The following LRRIQ3 variants were observed in gnomAD, a reference collection of about 807,000 sequenced individuals.
The protein encoded by LRRIQ3 is leucine-rich repeat and IQ domain-containing protein 3.
LRRIQ3 carries 75 observed loss-of-function variants against 59.3 expected under a neutral mutation model. The observed-to-expected ratio is 1.26, with a 90% CI of 1.05 to 1.53. The LOEUF (loss-of-function observed/expected upper bound fraction) is 1.53. Among genes scored for constraint, LRRIQ3 ranks in the 40% most tolerant of loss-of-function variants. LRRIQ3 has a pLI of 0.00. For synonymous variants in LRRIQ3, 250 were observed against 231.3 expected (o/e 1.08, Z -0.73); for missense variants, 831 against 710.0 (o/e 1.17, Z -1.94).
At chr1:74,066,979 A>G (rs1654883801) in intron 6 of LRRIQ3, among the ~76,000 whole-genome samples, 1 of 152,184 alleles carries the variant, frequency 6.6e-6, no homozygotes, top group African/African-American at 2.4e-5. Context: ...CCAGTAATAA[A>G]TTATGTCACC....
intron 5 of LRRIQ3, among the ~76,000 whole-genome samples, chr1:74,090,751 G>A (rs898139792): frequency 6.6e-6 from 1 of 151,684 alleles, no homozygotes; most frequent in Non-Finnish European, 1.5e-5. Context: ...TAACTTAGCT[G>A]GGTGTGGGAG....
chr1:74,036,415 A>G (rs915213864), intron 7 of LRRIQ3, among the ~76,000 whole-genome samples: 1 of 152,188 alleles, frequency 6.6e-6, no homozygotes, highest in Non-Finnish European at 1.5e-5. Flanking sequence ...TACTTCTACA[A>G]AATTGTCTAT....
intron 6 of LRRIQ3, among the ~76,000 whole-genome samples, chr1:74,058,136 A>C (rs908621825): frequency 1.3e-4 from 20 of 152,282 alleles, no homozygotes; most frequent in African/African-American, 4.6e-4. Context: ...AGCATACATT[A>C]GTACAATGAC....
intron 4 of LRRIQ3, chr1:74,138,477 A>G (rs1358795320): frequency 1.0e-6 from 1 of 984,648 alleles, no homozygotes; most frequent in Non-Finnish European, 1.2e-6. Flanking sequence ...TCTGACCCAG[A>G]GTTCAGCTAG....
intron 3 of LRRIQ3, among the ~76,000 whole-genome samples, chr1:74,172,535 G>T (rs1279713708): frequency 6.6e-6 from 1 of 152,114 alleles, no homozygotes; most frequent in Non-Finnish European, 1.5e-5. Context: ...GTGTGTGCTT[G>T]AAAGGAATGT....
intron 1 of LRRIQ3, among the ~76,000 whole-genome samples, chr1:74,189,907 A>G (rs1408027099): frequency 1.3e-5 from 2 of 152,126 alleles, no homozygotes; most frequent in Non-Finnish European, 2.9e-5. Context: ...ACAGACTAAT[A>G]CAGTAAGCAC....
intron 5 of LRRIQ3, among the ~76,000 whole-genome samples, chr1:74,098,555 T>C (rs926377194): frequency 3.9e-4 from 59 of 152,280 alleles, no homozygotes; most frequent in African/African-American, 1.4e-3. Flanking sequence ...CAAGCAGACC[T>C]AATAGACATC....
At position 74,026,565 on chromosome 1, in the gene LRRIQ3, T is replaced by C. The variant is rs1342619871; in HGVS notation, c.*248A>G. 1 of 317,012 alleles carries C rather than the reference T, an allele frequency of 3.2e-6. No homozygotes were observed. Among genetic ancestry groups the C allele is most frequent in the African/African-American group, 2.2e-5 (1 of 45,634 alleles). The allele number at this position is 317,012 out of a possible 1,614,324, so 19.6% of individuals were successfully genotyped here. On this transcript the variant is annotated 3_prime_UTR_variant, in exon 8 of 8. Transcript: ENST00000354431. ...CATTGCAACATTGTCTGCAATACAT[T>C]AAATCAGTTTAATTGTTCCTTAGGC...
chr1:74,100,767 C>A (rs1360145106), intron 5 of LRRIQ3, among the ~76,000 whole-genome samples: 1 of 152,056 alleles, frequency 6.6e-6, no homozygotes, highest in Non-Finnish European at 1.5e-5. Context: ...CAACTACAAC[C>A]ATCTGATCTT....
At chr1:74,112,320 A>G (rs903406456) in intron 4 of LRRIQ3, among the ~76,000 whole-genome samples, 2 of 152,140 alleles carry the variant, frequency 1.3e-5, no homozygotes, top group African/African-American at 4.8e-5. Context: ...ATCTAAAGGC[A>G]CTGTTAAAGA....
At chr1:74,085,319 G>A (rs1646315366) in intron 5 of LRRIQ3, among the ~76,000 whole-genome samples, 1 of 48,450 alleles carries the variant, frequency 2.1e-5, no homozygotes, top group African/African-American at 5.6e-5. Flanking sequence ...TAAGTACATG[G>A]TGGCAAAAAA....
At chr1:74,153,996 C>G (rs1033721950) in intron 4 of LRRIQ3, among the ~76,000 whole-genome samples, 2 of 151,944 alleles carry the variant, frequency 1.3e-5, no homozygotes, top group Non-Finnish European at 2.9e-5. Flanking sequence ...AATCCCAGCA[C>G]TTTGGGGGGC....
Position 74,151,986 on chromosome 1 carries a change from GT to G in LRRIQ3, c.707+3746del, listed in dbSNP as rs1379713377. Among the ~76,000 whole-genome samples, 7 of 152,074 alleles carry G rather than the reference GT, an allele frequency of 4.6e-5. No individual in the cohort carries two copies. The East Asian group carries it at 1.2e-3, about 25-fold the overall frequency. On this transcript the variant is annotated intron_variant, in intron 4 of 7. Transcript: ENST00000354431. ...AGCAATGCAGAAAAATCACTATCTC[GT>G]TCTTTACAGAATTATAATAAGAAGA...
chr1:74,164,162 A>G (rs1465728013), intron 3 of LRRIQ3, among the ~76,000 whole-genome samples: 1 of 150,844 alleles, frequency 6.6e-6, no homozygotes, highest in Non-Finnish European at 1.5e-5. Context: ...AGTTGTATAC[A>G]TTTTCTATAT....
At chr1:74,173,062 G>A (rs1462497103) in intron 3 of LRRIQ3, among the ~76,000 whole-genome samples, 1 of 152,048 alleles carries the variant, frequency 6.6e-6, no homozygotes, top group Non-Finnish European at 1.5e-5. Flanking sequence ...AGCACTTTGG[G>A]AGGCCGAGGC....
At chr1:74,161,924 T>C (rs1260492711) in intron 3 of LRRIQ3, among the ~76,000 whole-genome samples, 1 of 151,794 alleles carries the variant, frequency 6.6e-6, no homozygotes, top group East Asian at 1.9e-4. Context: ...ATCCTCTTTG[T>C]AAAATAATAA....
intron 5 of LRRIQ3, among the ~76,000 whole-genome samples, chr1:74,080,157 T>C (rs761318188): frequency 1.3e-5 from 2 of 150,564 alleles, no homozygotes; most frequent in Non-Finnish European, 3.0e-5. Flanking sequence ...CTGTTGATTC[T>C]ATATCACACA....
chr1:74,128,983 C>A (rs1646974240), intron 4 of LRRIQ3, among the ~76,000 whole-genome samples: 1 of 152,034 alleles, frequency 6.6e-6, no homozygotes, highest in African/African-American at 2.4e-5. Flanking sequence ...CTGTGATGAG[C>A]TACATATAGT....
intron 5 of LRRIQ3, chr1:74,084,319 T>C (rs1369688917): frequency 2.5e-6 from 3 of 1,180,652 alleles, no homozygotes; most frequent in South Asian, 1.7e-5. Flanking sequence ...ACATTTTGCC[T>C]GGAGGACAGT....
Sources: allele counts gnomAD v4.1 joint callset (sites outside exome capture counted in the v4.1 genomes callset), GRCh38; gene constraint gnomAD v4.1.1; transcripts MANE v1.5; gene names NCBI Gene and HGNC (gene_info 2026-07-23, HGNC 2026-07-21).